The following ARHGEF10L variants were observed in gnomAD, a reference collection of about 807,000 sequenced individuals.
ARHGEF10L encodes Rho guanine nucleotide exchange factor 10 like, also known as rho guanine nucleotide exchange factor 10-like protein.
ARHGEF10L carries 69 observed loss-of-function variants against 141.2 expected under a neutral mutation model. The observed-to-expected ratio is 0.49, with a 90% CI of 0.40 to 0.60. ARHGEF10L has a LOEUF of 0.60. Among genes scored for constraint, ARHGEF10L ranks in the 20% least tolerant of loss-of-function variants. ARHGEF10L has a pLI of 0.00. For synonymous variants in ARHGEF10L, 711 were observed against 718.5 expected, an observed-to-expected ratio of 0.99 and a Z score of 0.17; for missense variants, 1,482 against 1,734.3, an observed-to-expected ratio of 0.85 and a Z score of 2.58.
chr1:17,520,473 T>C, the ARHGEF10L span, among the ~76,000 whole-genome samples: 1 of 152,218 alleles, frequency 6.6e-6, no homozygotes, highest in African/African-American at 2.4e-5. Flanking sequence ...GTTTCCTTTC[T>C]CTTTTTAACC....
intron 1 of ARHGEF10L, among the ~76,000 whole-genome samples, chr1:17,566,052 A>G (rs534542200): frequency 6.6e-6 from 1 of 152,314 alleles, no homozygotes; most frequent in South Asian, 2.1e-4. Context: ...AACCAGTGGC[A>G]ATGGCTTTGG....
chr1:17,633,395 G>A (rs992010308), intron 16 of ARHGEF10L, among the ~76,000 whole-genome samples: 4 of 152,178 alleles, frequency 2.6e-5, no homozygotes, highest in African/African-American at 7.2e-5. Flanking sequence ...CCAGGCTGGA[G>A]TGCAATGGCA....
At chr1:17,691,312 A>T in intron 27 of ARHGEF10L, 1 of 281,440 alleles carries the variant, frequency 3.6e-6, no homozygotes, top group Non-Finnish European at 6.8e-6. Flanking sequence ...GTGGAGGGGG[A>T]GGGGGAAGGC....
At position 17,560,138 on chromosome 1, in the gene ARHGEF10L, G is replaced by A. The variant is rs564774071; in HGVS notation, c.-44+20188G>A. Among the ~76,000 whole-genome samples the A allele has an allele frequency of 7.2e-5, 11 of 152,262 alleles. No homozygotes were observed. The South Asian group carries it at 1.2e-3, about 17-fold the overall frequency. ...GTAAGCAGGTGCCCTCCAGGGGAAC[G>A]AGGTCACCTGCTTTGTGCCAGGTGA... is the stretch of plus-strand genomic sequence containing the variant. On this transcript the variant is annotated intron_variant, in intron 1 of 28. Transcript: ENST00000361221.
At chr1:17,594,380 A>G (rs1200447807) in intron 4 of ARHGEF10L, among the ~76,000 whole-genome samples, 1 of 152,168 alleles carries the variant, frequency 6.6e-6, no homozygotes. Flanking sequence ...CCTCTGGTGC[A>G]ACCGTCTCCC....
chr1:17,666,746 A>C (rs1424995838), intron 26 of ARHGEF10L, among the ~76,000 whole-genome samples: 1 of 139,784 alleles, frequency 7.2e-6, no homozygotes, highest in South Asian at 2.3e-4. Context: ...ACCTCACCTC[A>C]TCCCTTCCCA....
intron 16 of ARHGEF10L, among the ~76,000 whole-genome samples, chr1:17,632,818 A>T (rs1249825455): frequency 6.6e-6 from 1 of 152,068 alleles, no homozygotes; most frequent in Non-Finnish European, 1.5e-5. Flanking sequence ...CTTTAACTCA[A>T]ATCTGTTTTG....
At chr1:17,683,244 C>T (rs1169020569) in intron 26 of ARHGEF10L, among the ~76,000 whole-genome samples, 33 of 123,702 alleles carry the variant, frequency 2.7e-4, no homozygotes, top group Non-Finnish European at 4.6e-4. Flanking sequence ...CTCACTGCCC[C>T]CTGCTCTCAC....
chr1:17,641,923 G>A (rs1217175971), intron 21 of ARHGEF10L, among the ~76,000 whole-genome samples: 1 of 151,640 alleles, frequency 6.6e-6, no homozygotes, highest in East Asian at 1.9e-4. Flanking sequence ...GGAGGTTGCA[G>A]TGAGCCAAGA....
At chr1:17,551,863 C>T (rs935561316) in intron 1 of ARHGEF10L, among the ~76,000 whole-genome samples, 29 of 152,218 alleles carry the variant, frequency 1.9e-4, no homozygotes, top group African/African-American at 6.0e-4. Flanking sequence ...GGGGTGGAAG[C>T]GGATGGTGAG....
rs1203926344 is a variant in ARHGEF10L, at chr1:17,569,351, C to G, written c.-43-11202C>G. 2.0e-5 allele frequency among the ~76,000 whole-genome samples: 3 copies of G among 152,204 alleles called. No homozygotes were observed. The East Asian group carries it at 5.8e-4, about 29-fold the overall frequency. The stretch of plus-strand genomic sequence containing the variant: ...GTTTGAATCATAAGTGCTGGCTGCT[C>G]TGAATTCAGCCAGAGCTATCCTGGG... On this transcript the variant is annotated intron_variant, in intron 1 of 28. Transcript: ENST00000361221.
chr1:17,581,452 C>T (rs1458318385), intron 2 of ARHGEF10L, among the ~76,000 whole-genome samples: 2 of 152,166 alleles, frequency 1.3e-5, no homozygotes, highest in Admixed American at 6.5e-5. Context: ...TCAGACACTG[C>T]AGGTGGAATC....
Position 17,539,959 on chromosome 1 carries a change from G to C in ARHGEF10L, c.-44+9G>C, listed in dbSNP as rs991916622. 1.3e-5 allele frequency: 2 copies of C among 151,784 alleles called. No individual in the cohort carries two copies. Among genetic ancestry groups the C allele is most frequent in the Non-Finnish European group, 1.5e-5 (1 of 67,892 alleles). The allele number at this position is 151,784 out of a possible 1,614,324, so 9.4% of individuals were successfully genotyped here. ...GGGCCCGGGCAGCCGAGGTGGGTGA[G>C]TGAGCGCGGGGGCCCTGCCTCCGCG... On this transcript the variant is annotated intron_variant, in intron 1 of 28. Transcript: ENST00000361221. This position sits in a 1 kb window ranked among gnomAD's most constrained non-coding sequence, Gnocchi z 6.0.
At chr1:17,556,599 G>C (rs895789527) in intron 1 of ARHGEF10L, among the ~76,000 whole-genome samples, 1 of 152,220 alleles carries the variant, frequency 6.6e-6, no homozygotes, top group Admixed American at 6.5e-5. Flanking sequence ...CGCAGTGTGT[G>C]CGAAGGTGCT....
intron 5 of ARHGEF10L, among the ~76,000 whole-genome samples, chr1:17,602,994 C>G (rs185133638): frequency 1.3e-5 from 2 of 151,662 alleles, no homozygotes; most frequent in South Asian, 4.2e-4. Flanking sequence ...GGGGCTCTGA[C>G]AGGGCTCTAG....
Position 17,619,252 on chromosome 1 carries a change from G to T in ARHGEF10L, c.836-87G>T. The T allele has an allele frequency of 7.5e-7, 1 of 1,335,804 alleles. No individual in the cohort carries two copies. Among genetic ancestry groups the T allele is most frequent in the Non-Finnish European group, 1.1e-6 (1 of 950,418 alleles). 82.7% of individuals were successfully genotyped at this position (1,335,804 alleles called of 1,614,324 possible). On this transcript the variant is annotated intron_variant, in intron 9 of 28. Transcript: ENST00000361221. This position sits in a 1 kb window ranked among gnomAD's most constrained non-coding sequence, Gnocchi z 5.0. The stretch of plus-strand genomic sequence containing the variant: ...CACCCTAGGACCTGGGTCCAAGGCT[G>T]GTCTAGGGGGGCTCTCAGCTCCTGA...
chr1:17,535,231 A>G (rs989254041), upstream of ARHGEF10L, among the ~76,000 whole-genome samples: 1 of 152,290 alleles, frequency 6.6e-6, no homozygotes, highest in African/African-American at 2.4e-5. Flanking sequence ...TGCACAGTTC[A>G]CAACAGGGCT....
In ARHGEF10L at chr1:17,656,793, G is replaced by A; in HGVS notation, c.2860+85G>A. 6.7e-7 allele frequency: 1 copy of A among 1,484,114 alleles called. No homozygotes were observed. 91.9% of individuals were successfully genotyped at this position (1,484,114 alleles called of 1,614,324 possible). On this transcript the variant is annotated intron_variant, in intron 25 of 28. Coordinates refer to ENST00000361221, the MANE Select transcript of ARHGEF10L (RefSeq NM_018125.4). The surrounding 1 kb of genome is among the most constrained non-coding windows in gnomAD (Gnocchi z 4.9). ...TTCTCTACCAAGAGAGGATACAGGA[G>A]GCTGGGCAGGAATGAATTGGGAAAT... is the stretch of plus-strand genomic sequence containing the variant.
rs193038898 is a variant in ARHGEF10L at position 17,665,772 on chromosome 1, A to G, written c.3009+1177A>G. On this transcript the variant is annotated intron_variant, in intron 26 of 28. Transcript: ENST00000361221. ...TGTGTGTTTGCGCAAGTATATGTATACACACGTATATAGAAAGAGACTTAT... is the reference window on the plus strand; with the variant it reads ...TGTGTGTTTGCGCAAGTATATGTATGCACACGTATATAGAAAGAGACTTAT... 2.6e-5 allele frequency among the ~76,000 whole-genome samples: 4 copies of G among 152,294 alleles called. No individual in the cohort carries two copies. The East Asian group carries it at 5.8e-4, about 22-fold the overall frequency.
Sources: allele counts gnomAD v4.1 joint callset (sites outside exome capture counted in the v4.1 genomes callset), GRCh38; gene constraint gnomAD v4.1.1; non-coding constraint Gnocchi (gnomAD v3.1); transcripts MANE v1.5; gene names NCBI Gene and HGNC (gene_info 2026-07-23, HGNC 2026-07-21).